The following RAB3GAP2 variants were observed in gnomAD, a reference collection of about 807,000 sequenced individuals.
The protein encoded by RAB3GAP2 is rab3 GTPase-activating protein non-catalytic subunit.
RAB3GAP2 carries 87 observed loss-of-function variants against 185.3 expected under a neutral mutation model. That is an observed-to-expected ratio of 0.47 (90% confidence interval 0.39 to 0.56). The LOEUF is 0.56. Among genes scored for constraint, RAB3GAP2 ranks in the 20% least tolerant of loss-of-function variants. RAB3GAP2 has a pLI of 0.00. For synonymous variants in RAB3GAP2, 554 were observed against 576.1 expected (o/e 0.96, Z 0.55); for missense variants, 1,492 against 1,638.2 (o/e 0.91, Z 1.54).
At chr1:220,200,787 C>A in intron 9 of RAB3GAP2, 1 of 372,112 alleles carries the variant, frequency 2.7e-6, no homozygotes, top group Non-Finnish European at 5.5e-6. Flanking sequence ...AGAAAGATGG[C>A]CTGTGTGTCA....
Position 220,212,890 on chromosome 1 carries a change from T to C in RAB3GAP2, c.383A>G (p.Glu128Gly). ...ACAAAAATTAACTGGCACCTACCCT[T>C]CTTCGACATTTAAGGAACCACTCCA... The part of the protein sequence containing the change: ...VGWSGSLNVE[E>G]GECVTSALCI... The change falls in exon 4 of 35, where the codon GAA (glutamate) becomes GGA (glycine). Residue 128 changes from glutamate (E) to glycine (G), a missense_variant. Physicochemically the swap from Glu to Gly is moderately conservative, Grantham distance 98. Around this residue, in one of 5 missense-constraint regions of RAB3GAP2, gnomAD observed 177 missense variants for 160.6 expected, o/e 1.10. Coordinates refer to ENST00000358951, the MANE Select transcript of RAB3GAP2 (RefSeq NM_012414.4). The C allele has an allele frequency of 6.2e-7, 1 of 1,611,374 alleles. No individual in the cohort carries two copies. The highest frequency in any genetic ancestry group is 8.5e-7 in the Non-Finnish European group (1 of 1,177,584).
chr1:220,194,128 T>C (rs1658678204), intron 12 of RAB3GAP2, among the ~76,000 whole-genome samples: 1 of 152,120 alleles, frequency 6.6e-6, no homozygotes, highest in Non-Finnish European at 1.5e-5. Flanking sequence ...GTGAAGAACA[T>C]CCATAAAGAG....
chr1:220,151,575 C>G (rs1428746730), intron 34 of RAB3GAP2, 31 bp downstream of exon 34: 1 of 1,597,820 alleles, frequency 6.3e-7, no homozygotes, highest in South Asian at 1.1e-5. Context: ...ATCCAATGAC[C>G]TTTTGCCTGA....
At chr1:220,221,708 C>T (rs750317325) in intron 2 of RAB3GAP2, among the ~76,000 whole-genome samples, 3 of 152,256 alleles carry the variant, frequency 2.0e-5, no homozygotes, top group Non-Finnish European at 2.9e-5. Flanking sequence ...TTCTAAACAA[C>T]GCAATATGGG....
At chr1:220,190,990 T>G (rs990321619) in intron 14 of RAB3GAP2, 78 bp downstream of exon 14, 2 of 1,340,098 alleles carry the variant, frequency 1.5e-6, no homozygotes, top group Non-Finnish European at 2.1e-6. Context: ...ATAAGCAGCT[T>G]TAGTAAAGCT....
intron 21 of RAB3GAP2, among the ~76,000 whole-genome samples, chr1:220,173,703 C>T (rs752382427): frequency 6.6e-6 from 1 of 151,992 alleles, no homozygotes; most frequent in Non-Finnish European, 1.5e-5. Flanking sequence ...TAAGCTCATA[C>T]GGGAAAGCTA....
In RAB3GAP2 at chr1:220,151,706, C is replaced by T. The variant is rs1213470454; in HGVS notation, c.3926G>A (p.Gly1309Glu). The T allele has an allele frequency of 6.2e-7, 1 of 1,611,804 alleles. No individual in the cohort carries two copies. Among genetic ancestry groups the T allele is most frequent in the Non-Finnish European group, 8.5e-7 (1 of 1,178,038 alleles). The change falls in exon 34 of 35, where the codon GGG becomes GAG. Residue 1309 changes from glycine to glutamate, a missense_variant. Gly to Glu is a moderately conservative substitution (Grantham distance 98). Transcript: ENST00000358951. ...GAGAAGCGCATGAGCCAGCCTTTGC[C>T]CCGTGAGCACCAGCAGCTGAGAGGC... The part of the protein sequence containing the change: ...VLASQLLVLT[G>E]QRLAHALLHT...
At chr1:220,185,478 A>C (rs1658491200) in intron 18 of RAB3GAP2, among the ~76,000 whole-genome samples, 173 bp downstream of exon 18, 1 of 152,176 alleles carries the variant, frequency 6.6e-6, no homozygotes, top group Non-Finnish European at 1.5e-5. Flanking sequence ...AGCTTAGATG[A>C]AGATCAACTA....
intron 24 of RAB3GAP2, 112 bp downstream of exon 24, chr1:220,170,780 T>C: frequency 1.1e-6 from 1 of 926,842 alleles, no homozygotes. Context: ...GTTATTGTTA[T>C]TTTTAAATCT....
intron 24 of RAB3GAP2, among the ~76,000 whole-genome samples, chr1:220,169,146 A>G (rs1658127430): frequency 6.6e-6 from 1 of 152,240 alleles, no homozygotes; most frequent in Admixed American, 6.5e-5. Flanking sequence ...AAGTGTGGTG[A>G]GTTTACAATA....
intron 21 of RAB3GAP2, among the ~76,000 whole-genome samples, chr1:220,181,240 G>T (rs1658399023): frequency 6.6e-6 from 1 of 152,152 alleles, no homozygotes; most frequent in Non-Finnish European, 1.5e-5. Flanking sequence ...TCATGCCTCA[G>T]CCTCTTGAGT....
At chr1:220,196,505 C>A in intron 9 of RAB3GAP2, 107 bp from the exon 10 acceptor site, 2 of 1,147,040 alleles carry the variant, frequency 1.7e-6, no homozygotes, top group East Asian at 2.4e-5. Flanking sequence ...ATTTAATAAC[C>A]AAAAGTCATT....
intron 1 of RAB3GAP2, among the ~76,000 whole-genome samples, chr1:220,251,823 A>G (rs980351597): frequency 3.3e-5 from 5 of 152,204 alleles, no homozygotes; most frequent in African/African-American, 1.2e-4. Context: ...AATAGAGCCT[A>G]GTGGAGTCTT....
intron 2 of RAB3GAP2, among the ~76,000 whole-genome samples, chr1:220,214,982 A>G (rs1262387237): frequency 1.4e-5 from 2 of 139,058 alleles, no homozygotes; most frequent in Admixed American, 7.3e-5. Context: ...ATATACTTCT[A>G]TACTTTGCTT....
chr1:220,221,860 G>T (rs1469644695), intron 2 of RAB3GAP2, among the ~76,000 whole-genome samples: 1 of 152,212 alleles, frequency 6.6e-6, no homozygotes, highest in Non-Finnish European at 1.5e-5. Flanking sequence ...AAACACAGTG[G>T]CCAGTGTTTT....
chr1:220,163,902 A>C (rs1217352688), intron 27 of RAB3GAP2, among the ~76,000 whole-genome samples: 1 of 151,810 alleles, frequency 6.6e-6, no homozygotes, highest in Non-Finnish European at 1.5e-5. Context: ...TGAAAAATAC[A>C]TAGCTTCTCT....
intron 9 of RAB3GAP2, chr1:220,200,575 T>C (rs1340465408): frequency 3.8e-6 from 2 of 530,120 alleles, no homozygotes; most frequent in African/African-American, 3.9e-5. Context: ...ATGAATAGAA[T>C]AATAGTTTCT....
chr1:220,225,932 C>T (rs1012874386), intron 2 of RAB3GAP2, among the ~76,000 whole-genome samples: 7 of 152,182 alleles, frequency 4.6e-5, no homozygotes, highest in Non-Finnish European at 4.4e-5. Context: ...CCAATCAGGT[C>T]GTGCTATATT....
intron 10 of RAB3GAP2, among the ~76,000 whole-genome samples, chr1:220,196,032 C>T (rs1290217867): frequency 6.6e-6 from 1 of 152,164 alleles, no homozygotes; most frequent in Non-Finnish European, 1.5e-5. Flanking sequence ...CTCAGGGCTT[C>T]AGAAACAAAG....
Sources: gnomAD v4.1 joint callset for allele counts (sites outside exome capture counted in the v4.1 genomes callset) on GRCh38, gnomAD v4.1.1 for gene constraint, gnomAD v4.1.1 regional missense constraint, MANE v1.5 for transcripts, NCBI Gene and HGNC (gene_info 2026-07-23, HGNC 2026-07-21) for gene names.